TCF20: variants seen among roughly 807,000 people sequenced by gnomAD.
TCF20 encodes transcription factor 20.
TCF20 carries 3 observed loss-of-function variants against 148.6 expected under a neutral mutation model. That is an observed-to-expected ratio of 0.02 (90% CI 0.01 to 0.05). TCF20 has a LOEUF of 0.05. Ranked by LOEUF, TCF20 falls within the 10% of genes least tolerant of loss-of-function variation. TCF20 has a pLI of 1.00. For synonymous variants in TCF20, 1,049 were observed against 909.5 expected (o/e 1.15, Z -2.76); for missense variants, 2,350 against 2,429.3 (o/e 0.97, Z 0.69).
At chr22:42,293,851 T>A (rs1927177120) in intron 1 of TCF20, among the ~76,000 whole-genome samples, 1 of 152,142 alleles carries the variant, frequency 6.6e-6, no homozygotes, top group Non-Finnish European at 1.5e-5. Flanking sequence ...ATTACAAAAA[T>A]TAGCCGGGTG....
At chr22:42,224,198 G>A (rs899716672) in intron 1 of TCF20, among the ~76,000 whole-genome samples, 2 of 152,078 alleles carry the variant, frequency 1.3e-5, no homozygotes, top group African/African-American at 4.8e-5. Context: ...CTGGCCAGGC[G>A]CAGTGGCTCA....
chr22:42,227,131 A>C (rs1002441816), intron 1 of TCF20, among the ~76,000 whole-genome samples: 8 of 152,130 alleles, frequency 5.3e-5, no homozygotes, highest in Non-Finnish European at 1.2e-4. Context: ...AAAAATACAA[A>C]AATTAGCTGG....
chr22:42,242,218 A>AACAAAAAAAAC (rs1924484043), intron 1 of TCF20, among the ~76,000 whole-genome samples: 1 of 142,586 alleles, frequency 7.0e-6, no homozygotes, highest in Non-Finnish European at 1.5e-5. Flanking sequence ...AAAAAAAAAA[A>AACAAAAAAAAC]AAAAAAAAAC....
chr22:42,215,334 C>G lies in TCF20; in HGVS notation c.-29G>C, dbSNP rs1273335899. The G allele has an allele frequency of 6.3e-7, 1 of 1,580,390 alleles. No homozygotes were observed. The stretch of plus-strand genomic sequence containing the variant: ...GTTCAGCAGCACAGCAGCAGGCCAA[C>G]AGCCCTCCTAGAAATAGAAGAAAGA... On this transcript the variant is annotated 5_prime_UTR_variant, in exon 2 of 6. Transcript: ENST00000677622.
chr22:42,229,395 T>C (rs1923197301), intron 1 of TCF20, among the ~76,000 whole-genome samples: 1 of 152,214 alleles, frequency 6.6e-6, no homozygotes, highest in Non-Finnish European at 1.5e-5. Flanking sequence ...ATCCAGTCTG[T>C]AACTTCCATA....
chr22:42,201,048 T>C (rs1054792670), intron 2 of TCF20, among the ~76,000 whole-genome samples: 4 of 152,212 alleles, frequency 2.6e-5, no homozygotes, highest in African/African-American at 7.2e-5. Context: ...ATTCCTGTGA[T>C]ACTGAGTTCT....
chr22:42,228,689 C>T (rs1304474599), intron 1 of TCF20, among the ~76,000 whole-genome samples: 4 of 152,170 alleles, frequency 2.6e-5, no homozygotes, highest in Non-Finnish European at 4.4e-5. Flanking sequence ...CACATGGAAA[C>T]AGCAGGGAGA....
chr22:42,266,714 G>A (rs1198031127), intron 1 of TCF20, among the ~76,000 whole-genome samples: 1 of 152,026 alleles, frequency 6.6e-6, no homozygotes, highest in African/African-American at 2.4e-5. Flanking sequence ...AGAAAGAGAA[G>A]GTTGCAGTGA....
chr22:42,234,240 G>A (rs1419185664), intron 1 of TCF20, among the ~76,000 whole-genome samples: 3 of 152,210 alleles, frequency 2.0e-5, no homozygotes, highest in Non-Finnish European at 4.4e-5. Context: ...ATTTTAATGT[G>A]TCCTTGGCCT....
chr22:42,289,709 C>T (rs73886015), intron 1 of TCF20, among the ~76,000 whole-genome samples: 53 of 152,284 alleles, frequency 3.5e-4, no homozygotes, highest in African/African-American at 1.2e-3. Flanking sequence ...ACCACACACA[C>T]TTTTATCTGC....
intron 2 of TCF20, among the ~76,000 whole-genome samples, chr22:42,196,190 G>C (rs1212256788): frequency 6.6e-6 from 1 of 152,202 alleles, no homozygotes; most frequent in Non-Finnish European, 1.5e-5. Context: ...GCCACTATTG[G>C]AGTGACTTGG....
Position 42,168,688 on chromosome 22 carries a change from C to T in TCF20, c.5848G>A (p.Gly1950Ser). The T allele has an allele frequency of 6.2e-7, 1 of 1,610,786 alleles. No homozygotes were observed. The highest frequency in any genetic ancestry group is 8.5e-7 in the Non-Finnish European group (1 of 1,178,840). Residue 1950 changes from glycine (G) to serine (S), a missense_variant, in exon 5 of 6, where the codon GGC (glycine) becomes AGC (serine). By Grantham distance (56) the Gly-to-Ser change is moderately conservative. This residue lies in a region of TCF20 where 67 missense variants were observed against 60.8 expected (regional missense o/e 1.10). Coordinates refer to ENST00000677622, the MANE Select transcript of TCF20 (RefSeq NM_001378418.1). ...TCCGACTGCTCTGTGCTGAGGCTGC[C>T]TTTCGCGGTCTTGTTCTGCAAGGGG... ...LPPLQNKTAK[G>S]SLSTEQSERG
At chr22:42,342,055 A>T (rs1028569627) in intron 1 of TCF20, among the ~76,000 whole-genome samples, 42 of 152,272 alleles carry the variant, frequency 2.8e-4, no homozygotes, top group African/African-American at 1.0e-3. Context: ...GGGTACATCC[A>T]CTTCCCTGGG....
intron 2 of TCF20, among the ~76,000 whole-genome samples, chr22:42,183,333 G>A (rs770633745): frequency 6.6e-6 from 1 of 152,190 alleles, no homozygotes; most frequent in Non-Finnish European, 1.5e-5. Flanking sequence ...TTGTGGATGA[G>A]ATTAAGTCAA....
intron 1 of TCF20, among the ~76,000 whole-genome samples, chr22:42,239,682 C>T (rs576345060): frequency 6.6e-6 from 1 of 151,920 alleles, no homozygotes; most frequent in East Asian, 1.9e-4. Context: ...CAGCTACTCA[C>T]GAGGCTGAGG....
intron 3 of TCF20, among the ~76,000 whole-genome samples, chr22:42,173,258 A>AAC (rs941629027): frequency 6.6e-6 from 1 of 151,682 alleles, no homozygotes; most frequent in African/African-American, 2.4e-5. Flanking sequence ...AAAAAAAAAA[A>AAC]CAGAGCTCAT....
At chr22:42,264,014 A>G (rs1926153523) in intron 1 of TCF20, among the ~76,000 whole-genome samples, 1 of 152,134 alleles carries the variant, frequency 6.6e-6, no homozygotes, top group East Asian at 1.9e-4. Context: ...CAGCTCTAAA[A>G]TTCTATAATC....
intron 5 of TCF20, among the ~76,000 whole-genome samples, chr22:42,166,379 G>A (rs1038928076): frequency 3.3e-5 from 5 of 152,310 alleles, no homozygotes; most frequent in Admixed American, 6.5e-5. Context: ...AGGTCAAGGC[G>A]GGAAGATCAC....
intron 1 of TCF20, among the ~76,000 whole-genome samples, chr22:42,241,234 T>A (rs1924373341): frequency 6.6e-6 from 1 of 152,038 alleles, no homozygotes; most frequent in Admixed American, 6.5e-5. Flanking sequence ...CCAAAGCCTC[T>A]AATTATTTCT....
Sources: allele counts gnomAD v4.1 joint callset (sites outside exome capture counted in the v4.1 genomes callset), GRCh38; gene constraint gnomAD v4.1.1; regional missense constraint gnomAD v4.1.1; transcripts MANE v1.5; gene names NCBI Gene and HGNC (gene_info 2026-07-23, HGNC 2026-07-21).